Variants in SLC25A12 observed in about 807,000 individuals in gnomAD.
SLC25A12 encodes solute carrier family 25 member 12.
SLC25A12 carries 32 observed loss-of-function variants against 83.3 expected under a neutral mutation model. The observed-to-expected ratio is 0.38, with a 90% confidence interval of 0.29 to 0.52. The LOEUF (loss-of-function observed/expected upper bound fraction) is 0.52. Ranked by LOEUF, SLC25A12 falls within the 20% of genes least tolerant of loss-of-function variation. SLC25A12 has a pLI of 0.84. For synonymous variants in SLC25A12, 267 were observed against 291.1 expected, an observed-to-expected ratio of 0.92 and a Z score of 0.84; for missense variants, 611 against 835.6, an observed-to-expected ratio of 0.73 and a Z score of 3.31.
At chr2:171,820,585 G>A (rs1028948696) in intron 9 of SLC25A12, among the ~76,000 whole-genome samples, 1 of 131,832 alleles carries the variant, frequency 7.6e-6, no homozygotes, top group Non-Finnish European at 1.7e-5. Context: ...AAAATTAGCC[G>A]GGCGCAGTGG....
At chr2:171,837,531 AT>A (rs1684584916) in intron 5 of SLC25A12, among the ~76,000 whole-genome samples, 1 of 152,146 alleles carries the variant, frequency 6.6e-6, no homozygotes, top group Non-Finnish European at 1.5e-5. Flanking sequence ...TAACCCTTAG[AT>A]TTTACTTGAC....
At chr2:171,820,683 C>G (rs1312419687) in intron 9 of SLC25A12, among the ~76,000 whole-genome samples, 3 of 145,400 alleles carry the variant, frequency 2.1e-5, no homozygotes, top group African/African-American at 7.4e-5. Flanking sequence ...AGCCGAGATC[C>G]CGCCACTGCA....
chr2:171,827,698 T>C (rs1263468783), intron 8 of SLC25A12, among the ~76,000 whole-genome samples: 1 of 152,220 alleles, frequency 6.6e-6, no homozygotes, highest in African/African-American at 2.4e-5. Flanking sequence ...TGCTTTTGTC[T>C]TCTATTGCTT....
intron 10 of SLC25A12, 53 bp from the exon 11 acceptor site, chr2:171,813,550 T>C: frequency 6.4e-7 from 1 of 1,553,346 alleles, no homozygotes; most frequent in African/African-American, 1.4e-5. Context: ...AAATGGAGAG[T>C]CCATAAGGAT....
chr2:171,866,927 C>A (rs1211795935), intron 3 of SLC25A12, among the ~76,000 whole-genome samples: 1 of 146,790 alleles, frequency 6.8e-6, no homozygotes, highest in African/African-American at 2.5e-5. Context: ...GGGGCAGTTG[C>A]CAGGCGGAGG....
At chr2:171,868,137 G>A (rs1573996135) in intron 3 of SLC25A12, among the ~76,000 whole-genome samples, 4 of 151,954 alleles carry the variant, frequency 2.6e-5, no homozygotes, top group South Asian at 2.1e-4. Flanking sequence ...GAGCCACCGC[G>A]CCCAGCCTGA....
In SLC25A12 at chr2:171,793,576, TC is replaced by T. The variant is rs760639616; in HGVS notation, c.1446+50del. ...CAACTTGGAGGGAAGAAGTCTGGTT[TC>T]CACATTCTTTCATATTTTATTGAGT... On this transcript the variant is annotated intron_variant, in intron 14 of 17. Transcript: ENST00000422440. The T allele has an allele frequency of 3.2e-6, 5 of 1,577,732 alleles. No homozygotes were observed. In the South Asian group the frequency reaches 5.5e-5, roughly 17 times the overall value.
chr2:171,842,358 T>C (rs1162880203), intron 5 of SLC25A12, among the ~76,000 whole-genome samples: 1 of 151,856 alleles, frequency 6.6e-6, no homozygotes, highest in Non-Finnish European at 1.5e-5. Context: ...TTTGGGATGC[T>C]GAGGTGGGTG....
At chr2:171,814,319 C>T (rs1294411709) in intron 10 of SLC25A12, among the ~76,000 whole-genome samples, 1 of 151,922 alleles carries the variant, frequency 6.6e-6, no homozygotes, top group African/African-American at 2.4e-5. Context: ...TGGCTGTGAA[C>T]AGGGAGGGAA....
rs184924654 is a variant in SLC25A12 at position 171,868,649 on chromosome 2, T to C, written c.209+32A>G. ...ATTTTTAACAATATATTCCAGAACA[T>C]TAGTTTTCAGAAAATGCATGAAGAT... On this transcript the variant is annotated intron_variant, in intron 3 of 17. Coordinates refer to ENST00000422440, the MANE Select transcript of SLC25A12 (RefSeq NM_003705.5). 424 of 1,605,486 alleles carry C rather than the reference T, an allele frequency of 2.6e-4. 5 individuals are homozygous for C. In the East Asian group the frequency reaches 7.2e-3, roughly 27 times the overall value.
chr2:171,807,334 C>T (rs1683854185), intron 13 of SLC25A12, among the ~76,000 whole-genome samples: 3 of 152,292 alleles, frequency 2.0e-5, no homozygotes, highest in Admixed American at 1.3e-4. Flanking sequence ...AGTGTCAGCA[C>T]AACCCTCAAG....
intron 13 of SLC25A12, among the ~76,000 whole-genome samples, chr2:171,795,179 T>C (rs866764143): frequency 1.3e-5 from 2 of 152,202 alleles, no homozygotes; most frequent in South Asian, 4.1e-4. Flanking sequence ...TCTTTGTCCT[T>C]CGAGCAGGGA....
At chr2:171,875,048 G>A (rs925480014) in intron 2 of SLC25A12, among the ~76,000 whole-genome samples, 18 of 152,190 alleles carry the variant, frequency 1.2e-4, no homozygotes, top group African/African-American at 4.3e-4. Context: ...ATACAACGTT[G>A]TAACTTTCCC....
chr2:171,875,604 A>G (rs1292672211), intron 2 of SLC25A12, among the ~76,000 whole-genome samples: 4 of 152,062 alleles, frequency 2.6e-5, no homozygotes, highest in Non-Finnish European at 5.9e-5. Flanking sequence ...ATCACACAAC[A>G]TACCTTTGTA....
chr2:171,882,379 G>A (rs1440060481), intron 2 of SLC25A12, among the ~76,000 whole-genome samples: 1 of 152,186 alleles, frequency 6.6e-6, no homozygotes, highest in East Asian at 1.9e-4. Flanking sequence ...GGGTTTTCTT[G>A]GGGTATTAGG....
At chr2:171,786,390 A>G (rs1690491021) in intron 17 of SLC25A12, among the ~76,000 whole-genome samples, 1 of 151,152 alleles carries the variant, frequency 6.6e-6, no homozygotes, top group Non-Finnish European at 1.5e-5. Context: ...TCTAAAAAAA[A>G]AAAAAAAAAA....
At chr2:171,792,932 T>C (rs960333842) in intron 14 of SLC25A12, among the ~76,000 whole-genome samples, 2 of 152,208 alleles carry the variant, frequency 1.3e-5, no homozygotes, top group African/African-American at 4.8e-5. Context: ...CACTTGGCTA[T>C]GGTGGCTAAA....
In SLC25A12 at chr2:171,894,217, T is replaced by G; in HGVS notation, c.-3A>C. Reference sequence around the variant, plus strand: ...GTTGGAGTCACCTTGACCGCCATGCTGTGCTCGGAAGCCGGGGACGAGCGA... The same window carrying G: ...GTTGGAGTCACCTTGACCGCCATGCGGTGCTCGGAAGCCGGGGACGAGCGA... On this transcript the variant is annotated 5_prime_UTR_variant, in exon 1 of 18. Transcript: ENST00000422440. 6.2e-7 allele frequency: 1 copy of G among 1,609,344 alleles called. No individual in the cohort carries two copies. Among genetic ancestry groups the G allele is most frequent in the Non-Finnish European group, 8.5e-7 (1 of 1,177,952 alleles).
rs779551152 is a variant in SLC25A12, at chr2:171,791,490, C to T, written c.1546G>A (p.Val516Met). 32 of 1,614,004 alleles carry T rather than the reference C, an allele frequency of 2.0e-5. No individual in the cohort carries two copies. Among genetic ancestry groups the T allele is most frequent in the Middle Eastern group, 1.6e-4 (1 of 6,062 alleles). The change falls in exon 15 of 18, where the codon GTG becomes ATG. Residue 516 changes from valine to methionine, a missense_variant. By Grantham distance (21) the Val-to-Met change is conservative (BLOSUM62 1). Around this residue, in one of 3 missense-constraint regions of SLC25A12, gnomAD observed 540 missense variants for 777.5 expected, o/e 0.69. Transcript: ENST00000422440. ...KLLLADENGH[V>M]GGLNLLAAGA... ...GCTGCAAGAAGATTTAAACCTCCCACGTGTCCATTTTCATCAGCCAGAAGT... is the reference window on the plus strand; with the variant it reads ...GCTGCAAGAAGATTTAAACCTCCCATGTGTCCATTTTCATCAGCCAGAAGT...
Sources: allele counts gnomAD v4.1 joint callset (sites outside exome capture counted in the v4.1 genomes callset), GRCh38; gene constraint gnomAD v4.1.1; regional missense constraint gnomAD v4.1.1; transcripts MANE v1.5; gene names NCBI Gene and HGNC (gene_info 2026-07-23, HGNC 2026-07-21).